Variants in CCSER1 observed in about 807,000 individuals in gnomAD.
CCSER1 encodes the protein coiled-coil serine rich protein 1.
A neutral mutation model predicts 82.0 loss-of-function variants in CCSER1; 41 were observed. The observed-to-expected ratio is 0.50, with a 90% CI of 0.39 to 0.65. The LOEUF is 0.65. Among genes scored for constraint, CCSER1 ranks in the 30% least tolerant of loss-of-function variants. CCSER1 has a pLI of 0.00. For missense variants in CCSER1, 1,119 were observed against 1,064.2 expected, an observed-to-expected ratio of 1.05 and a Z score of -0.72; for synonymous variants, 414 against 383.9, an observed-to-expected ratio of 1.08 and a Z score of -0.92.
At chr4:90,465,163 C>T (rs1422038380) in intron 4 of CCSER1, among the ~76,000 whole-genome samples, 1 of 152,000 alleles carries the variant, frequency 6.6e-6, no homozygotes, top group Admixed American at 6.6e-5. Context: ...AGGCTTTCAC[C>T]ATGTTGACCA....
intron 7 of CCSER1, among the ~76,000 whole-genome samples, chr4:90,727,869 G>A (rs17017465): frequency 6.6e-6 from 1 of 151,762 alleles, no homozygotes; most frequent in Non-Finnish European, 1.5e-5. Context: ...AATATTTTTT[G>A]ATTAGATATG....
chr4:90,560,392 G>C (rs893843702), intron 5 of CCSER1, among the ~76,000 whole-genome samples: 1 of 152,052 alleles, frequency 6.6e-6, no homozygotes, highest in African/African-American at 2.4e-5. Context: ...ACTCAGAATT[G>C]TCCTGTCAAT....
intron 3 of CCSER1, among the ~76,000 whole-genome samples, chr4:90,391,263 ACT>A (rs749253678): frequency 0.015 from 1,752 of 120,172 alleles, 19 homozygotes; most frequent in Middle Eastern, 0.024. Flanking sequence ...ACAGAGCAAG[ACT>A]CTGTCTCAAA....
At chr4:90,393,599 T>C (rs772460920) in intron 3 of CCSER1, among the ~76,000 whole-genome samples, 6 of 152,186 alleles carry the variant, frequency 3.9e-5, no homozygotes, top group African/African-American at 7.2e-5. Flanking sequence ...TTAGATATTT[T>C]AGGCCTGTTC....
intron 10 of CCSER1, among the ~76,000 whole-genome samples, chr4:91,407,254 G>A (rs1264989620): frequency 6.6e-6 from 1 of 152,118 alleles, no homozygotes; most frequent in African/African-American, 2.4e-5. Context: ...AGCTCTCAAA[G>A]ATTTTAAAAA....
At chr4:90,482,249 G>T (rs1162589993) in intron 5 of CCSER1, among the ~76,000 whole-genome samples, 1 of 151,910 alleles carries the variant, frequency 6.6e-6, no homozygotes, top group African/African-American at 2.4e-5. Flanking sequence ...GCATCTATTT[G>T]ATTCTTCTCT....
In CCSER1 at chr4:91,445,124, C is replaced by T. The variant is rs571151805; in HGVS notation, c.2218-153448C>T. 1.8e-3 allele frequency among the ~76,000 whole-genome samples: 281 copies of T among 152,214 alleles called. 2 individuals carry two copies. Among genetic ancestry groups the T allele is most frequent in the African/African-American group, 6.4e-3 (265 of 41,534 alleles). The stretch of plus-strand genomic sequence containing the variant: ...TCATACTTGGTCTAGGGCTTTTCTG[C>T]CTCTGAGGTAACTTTTAGAAGATAA... On this transcript the variant is annotated intron_variant, in intron 10 of 10. Coordinates refer to ENST00000509176, the MANE Select transcript of CCSER1 (RefSeq NM_001145065.2).
chr4:90,903,254 C>T (rs1724934855), intron 8 of CCSER1, among the ~76,000 whole-genome samples: 2 of 152,030 alleles, frequency 1.3e-5, no homozygotes, highest in Non-Finnish European at 2.9e-5. Context: ...TGGTGACCAG[C>T]CTTTCCCATG....
chr4:90,918,654 T>TA (rs1561363101), intron 8 of CCSER1, among the ~76,000 whole-genome samples: 4 of 151,328 alleles, frequency 2.6e-5, no homozygotes, highest in African/African-American at 9.7e-5. Context: ...TATATATATA[T>TA]TAGTAATAAA....
At chr4:90,903,927 G>T (rs183038177) in intron 8 of CCSER1, among the ~76,000 whole-genome samples, 1 of 151,034 alleles carries the variant, frequency 6.6e-6, no homozygotes, top group Non-Finnish European at 1.5e-5. Flanking sequence ...ACCTTTTATA[G>T]TTAAAATTTT....
In CCSER1 at chr4:91,121,460, A is replaced by G. The variant is rs570917281; in HGVS notation, c.2217+35466A>G. On this transcript the variant is annotated intron_variant, in intron 10 of 10. Coordinates refer to ENST00000509176, the MANE Select transcript of CCSER1 (RefSeq NM_001145065.2). Reference sequence around the variant, plus strand: ...AAACTGTTCCTATTTTCTGTTCTTTATAGTAGAAGTGTATGGCCGTTAATT... The same window carrying G: ...AAACTGTTCCTATTTTCTGTTCTTTGTAGTAGAAGTGTATGGCCGTTAATT... 2.0e-5 allele frequency among the ~76,000 whole-genome samples: 3 copies of G among 151,826 alleles called. No individual in the cohort carries two copies. In the East Asian group the frequency reaches 5.8e-4, roughly 29 times the overall value.
intron 10 of CCSER1, among the ~76,000 whole-genome samples, chr4:91,566,863 A>G (rs966659367): frequency 4.6e-5 from 7 of 151,994 alleles, no homozygotes; most frequent in Admixed American, 3.9e-4. Flanking sequence ...GATCTTTTGA[A>G]TGGTTTTTCA....
chr4:90,477,009 G>A (rs1316451114), intron 5 of CCSER1, among the ~76,000 whole-genome samples: 2 of 152,092 alleles, frequency 1.3e-5, no homozygotes, highest in Non-Finnish European at 2.9e-5. Context: ...AAAGATTGCA[G>A]GTGCATCACC....
At chr4:91,176,744 AT>A (rs1733417048) in intron 10 of CCSER1, among the ~76,000 whole-genome samples, 2 of 152,188 alleles carry the variant, frequency 1.3e-5, no homozygotes, top group African/African-American at 4.8e-5. Context: ...TTTTCTAAAT[AT>A]ACAATCATAT....
chr4:91,423,233 G>A (rs6841098), intron 10 of CCSER1, among the ~76,000 whole-genome samples: 14 of 150,914 alleles, frequency 9.3e-5, no homozygotes, highest in African/African-American at 2.0e-4. Flanking sequence ...CAAGACCAGC[G>A]TGGCCAACAT....
At chr4:91,530,242 C>T (rs1411366601) in intron 10 of CCSER1, among the ~76,000 whole-genome samples, 1 of 151,952 alleles carries the variant, frequency 6.6e-6, no homozygotes. Flanking sequence ...GAATATGTGA[C>T]AGGATTTGCC....
chr4:91,358,361 T>TG (rs1392685810), intron 10 of CCSER1, among the ~76,000 whole-genome samples: 1 of 145,030 alleles, frequency 6.9e-6, no homozygotes, highest in African/African-American at 2.6e-5. Flanking sequence ...TAGTTCCCAG[T>TG]GGGGTGGGCT....
intron 9 of CCSER1, among the ~76,000 whole-genome samples, chr4:90,949,418 T>TA (rs938345735): frequency 1.8e-4 from 27 of 151,900 alleles, no homozygotes; most frequent in Non-Finnish European, 2.1e-4. Context: ...ATTAAACTGC[T>TA]AAAAAAAATC....
intron 9 of CCSER1, among the ~76,000 whole-genome samples, chr4:91,053,639 C>A (rs1743188584): frequency 6.6e-6 from 1 of 152,116 alleles, no homozygotes; most frequent in Non-Finnish European, 1.5e-5. Flanking sequence ...TTACAAAATT[C>A]AAAAAGCACC....
Sources: gnomAD v4.1 joint callset for allele counts (sites outside exome capture counted in the v4.1 genomes callset) on GRCh38, gnomAD v4.1.1 for gene constraint, MANE v1.5 for transcripts, NCBI Gene and HGNC (gene_info 2026-07-23, HGNC 2026-07-21) for gene names.